SPDYE4: variants seen among roughly 807,000 people sequenced by gnomAD.
The protein encoded by SPDYE4 is speedy protein E4.
A neutral mutation model predicts 37.5 loss-of-function variants in SPDYE4; 30 were observed. The ratio of observed to expected loss-of-function variants is 0.80; its 90% CI spans 0.60 to 1.09. The LOEUF is 1.09. Among genes scored for constraint, SPDYE4 ranks in the 50% least tolerant of loss-of-function variants. The pLI is 0.00. For missense variants in SPDYE4, 300 were observed against 307.9 expected, an observed-to-expected ratio of 0.97 and a Z score of 0.19; for synonymous variants, 131 against 120.3, an observed-to-expected ratio of 1.09 and a Z score of -0.58.
At chr17:8,750,222 C>G (rs755465665), downstream of SPDYE4, among the ~76,000 whole-genome samples, 17 of 152,028 alleles carry the variant, frequency 1.1e-4, no homozygotes, top group Non-Finnish European at 1.9e-4. Flanking sequence ...AATGGTGCCT[C>G]TACTAAAAAT....
At chr17:8,755,686 G>A (rs946149505) in intron 3 of SPDYE4, 81 bp from the exon 4 acceptor site, 4 of 1,517,880 alleles carry the variant, frequency 2.6e-6, no homozygotes, top group Middle Eastern at 1.8e-4. Flanking sequence ...AGGGAACAGG[G>A]GCTGGGGCGC....
At chr17:8,755,357 T>C (rs1194528772) in intron 4 of SPDYE4, 163 bp downstream of exon 4, 1 of 916,702 alleles carries the variant, frequency 1.1e-6, no homozygotes, top group Non-Finnish European at 1.6e-6. Context: ...TGTTTGTTTT[T>C]AGAAAGAACA....
chr17:8,756,335 G>A (rs779866432), intron 3 of SPDYE4, 43 bp downstream of exon 3: 31 of 1,580,420 alleles, frequency 2.0e-5, no homozygotes, highest in East Asian at 1.6e-4. Flanking sequence ...TCCCCAGGAC[G>A]TGTGTTAAAG....
intron 5 of SPDYE4, 40 bp downstream of exon 5, chr17:8,753,281 A>AACC: frequency 5.2e-6 from 2 of 388,120 alleles, no homozygotes; most frequent in Non-Finnish European, 7.4e-6. Context: ...AGTCCACCCC[A>AACC]TCCCTCCCCA....
downstream of SPDYE4, among the ~76,000 whole-genome samples, chr17:8,750,042 T>A (rs1567539702): frequency 6.6e-6 from 1 of 152,216 alleles, no homozygotes; most frequent in Non-Finnish European, 1.5e-5. Context: ...CTTCAGTGAT[T>A]TGATGTCTAC....
intron 1 of SPDYE4, 71 bp from the exon 2 acceptor site, chr17:8,757,563 C>T: frequency 6.9e-7 from 1 of 1,451,506 alleles, no homozygotes; most frequent in Non-Finnish European, 9.4e-7. Context: ...GACCCAGGAA[C>T]CTCAAACTAC....
chr17:8,747,835 C>T (rs1441225754), downstream of SPDYE4, among the ~76,000 whole-genome samples: 5 of 152,138 alleles, frequency 3.3e-5, no homozygotes, highest in East Asian at 1.9e-4. Context: ...TGTCTTAGTC[C>T]GTTTTCATGC....
chr17:8,753,931 T>G (rs72848104), intron 4 of SPDYE4, among the ~76,000 whole-genome samples: 6,849 of 152,046 alleles, frequency 0.045, 267 homozygotes, highest in African/African-American at 0.1. Context: ...CCCCCCTTCC[T>G]TGTCATGTAT....
In SPDYE4 at chr17:8,757,254, C is replaced by G; in HGVS notation, c.340+8G>C. 6.3e-7 allele frequency: 1 copy of G among 1,599,024 alleles called. No homozygotes were observed. The highest frequency in any genetic ancestry group is 8.5e-7 in the Non-Finnish European group (1 of 1,172,572). Reference sequence around the variant, plus strand: ...GGGTTGGAGGTGCTTTTTGGGGTATCCTCCTACCAAGGAGCCTGTTGAAGG... The same window carrying G: ...GGGTTGGAGGTGCTTTTTGGGGTATGCTCCTACCAAGGAGCCTGTTGAAGG... On this transcript the variant is annotated splice_region_variant and intron_variant, in intron 2 of 6. Coordinates refer to ENST00000689094, the MANE Select transcript of SPDYE4 (RefSeq NM_001394956.1).
intron 6 of SPDYE4, 75 bp downstream of exon 6, chr17:8,753,019 A>G (rs990529560): frequency 8.0e-7 from 1 of 1,252,876 alleles, no homozygotes; most frequent in African/African-American, 1.5e-5. Context: ...TTGAAGCTGG[A>G]TCAAGCAGTT....
chr17:8,750,431 C>T (rs963018057), downstream of SPDYE4, among the ~76,000 whole-genome samples: 1 of 149,112 alleles, frequency 6.7e-6, no homozygotes, highest in African/African-American at 2.6e-5. Context: ...AAATAAAGGG[C>T]CAGGGGAGGT....
At position 8,753,507 on chromosome 17, in the gene SPDYE4, G is replaced by A. The variant is rs574032029; in HGVS notation, c.486-18C>T. 6.2e-7 allele frequency: 1 copy of A among 1,612,614 alleles called. No individual in the cohort carries two copies. The highest frequency in any genetic ancestry group is 1.1e-5 in the South Asian group (1 of 90,880). The stretch of plus-strand genomic sequence containing the variant: ...CCAGGTAGCTGGGGAGAGAGATCAG[G>A]TTGCTGCTCAGGGGCCCCACCAGGA... On this transcript the variant is annotated intron_variant, in intron 4 of 6. Transcript: ENST00000689094.
intron 3 of SPDYE4, among the ~76,000 whole-genome samples, chr17:8,756,021 G>A (rs1038279010): frequency 8.5e-5 from 13 of 152,132 alleles, no homozygotes; most frequent in African/African-American, 2.4e-4. Context: ...TATGCAACAG[G>A]CTACCAGAGC....
At chr17:8,750,367 G>A (rs902737603), downstream of SPDYE4, among the ~76,000 whole-genome samples, 1 of 150,786 alleles carries the variant, frequency 6.6e-6, no homozygotes, top group Non-Finnish European at 1.5e-5. Context: ...TCAGCCTGGG[G>A]AATGGGACAA....
intron 3 of SPDYE4, among the ~76,000 whole-genome samples, 183 bp from the exon 4 acceptor site, chr17:8,755,788 G>A (rs775094834): frequency 9.2e-5 from 14 of 152,104 alleles, no homozygotes; most frequent in Non-Finnish European, 1.3e-4. Flanking sequence ...CTGCAAATCC[G>A]GGAAGTCGGA....
chr17:8,750,405 TAAATA>T (rs141497643), downstream of SPDYE4, among the ~76,000 whole-genome samples: 9 of 149,782 alleles, frequency 6.0e-5, no homozygotes, highest in East Asian at 5.9e-4. Context: ...AATAAATAAA[TAAATA>T]AAATAAAATA....
downstream of SPDYE4, among the ~76,000 whole-genome samples, chr17:8,748,611 G>A (rs770312663): frequency 6.6e-6 from 1 of 152,202 alleles, no homozygotes; most frequent in Non-Finnish European, 1.5e-5. Flanking sequence ...CACTAACATG[G>A]TATATTACCA....
In SPDYE4 at chr17:8,758,454, T is replaced by G; in HGVS notation, c.-72A>C. On this transcript the variant is annotated 5_prime_UTR_variant, in exon 1 of 7. Transcript: ENST00000689094. ...TTCTGTCCAAAGCCTTCTTCCAGACTCCGTTAGGACCCAGAAGAGTGCGTT... is the reference window on the plus strand; with the variant it reads ...TTCTGTCCAAAGCCTTCTTCCAGACGCCGTTAGGACCCAGAAGAGTGCGTT... 1 of 1,374,280 alleles carries G rather than the reference T, an allele frequency of 7.3e-7. No individual in the cohort carries two copies. Among genetic ancestry groups the G allele is most frequent in the Non-Finnish European group, 1.0e-6 (1 of 985,326 alleles). The allele number at this position is 1,374,280 out of a possible 1,614,324, so 85.1% of individuals were successfully genotyped here. A position where few individuals can be genotyped will look rare whatever the true frequency, so the allele number is the denominator to read the frequency against.
rs1411023282 is a variant in SPDYE4 at position 8,757,300 on chromosome 17, A to G, written c.302T>C (p.Val101Ala). 1 of 1,605,518 alleles carries G rather than the reference A, an allele frequency of 6.2e-7. No homozygotes were observed. The highest frequency in any genetic ancestry group is 1.3e-5 in the African/African-American group (1 of 74,858). Residue 101 changes from valine to alanine, a missense_variant, in exon 2 of 7, where the codon GTG becomes GCG. Val to Ala is a moderately conservative substitution (Grantham distance 64). Transcript: ENST00000689094. ...GAAGGCCTCGTGGTGCTCAGGGAGCACGGAGGATGCTCGCTTTCGCTTCAG... is the reference window on the plus strand; with the variant it reads ...GAAGGCCTCGTGGTGCTCAGGGAGCGCGGAGGATGCTCGCTTTCGCTTCAG... ...MKLKRKRASS[V>A]LPEHHEAFNR...
Sources: allele counts gnomAD v4.1 joint callset (sites outside exome capture counted in the v4.1 genomes callset), GRCh38; gene constraint gnomAD v4.1.1; transcripts MANE v1.5; gene names NCBI Gene and HGNC (gene_info 2026-07-23, HGNC 2026-07-21).